The following CYBRD1 variants were observed in gnomAD, a reference collection of about 807,000 sequenced individuals.
CYBRD1 encodes the protein plasma membrane ascorbate-dependent reductase CYBRD1.
In CYBRD1, 14 loss-of-function variants were observed where a neutral mutation model predicts 21.9. That is an observed-to-expected ratio of 0.64 (90% CI 0.42 to 1.00). CYBRD1 has a LOEUF of 1.00. CYBRD1 is among the 50% of genes least tolerant of loss of function. The pLI is 0.00. For synonymous variants in CYBRD1, 146 were observed against 136.5 expected, an observed-to-expected ratio of 1.07 and a Z score of -0.48; for missense variants, 328 against 352.5, an observed-to-expected ratio of 0.93 and a Z score of 0.56.
chr2:171,525,881 A>C (rs1199068809), intron 1 of CYBRD1, among the ~76,000 whole-genome samples: 1 of 138,800 alleles, frequency 7.2e-6, no homozygotes, highest in Non-Finnish European at 1.5e-5. Context: ...CGGGAAACGG[A>C]GGTTGCGGTG....
rs115865009 is a variant in CYBRD1 at position 171,555,356 on chromosome 2, C to T, written c.*529C>T. The T allele has an allele frequency of 5.3e-4, 85 of 160,544 alleles. No individual in the cohort carries two copies. Among genetic ancestry groups the T allele is most frequent in the Admixed American group, 1.3e-3 (22 of 16,546 alleles). The allele number at this position is 160,544 out of a possible 1,614,324, so 9.9% of individuals were successfully genotyped here. Reference sequence around the variant, plus strand: ...TAGGAAAGCACCTGGTTCCTTTCTCCCCATGCCTGCCTTCTGCTCCCTCCC... The same window carrying T: ...TAGGAAAGCACCTGGTTCCTTTCTCTCCATGCCTGCCTTCTGCTCCCTCCC... On this transcript the variant is annotated 3_prime_UTR_variant, in exon 4 of 4. Transcript: ENST00000321348.
Position 171,530,285 on chromosome 2 carries a change from C to T in CYBRD1, c.193+7547C>T, listed in dbSNP as rs551326131. On this transcript the variant is annotated intron_variant, in intron 1 of 3. Transcript: ENST00000321348. Reference sequence around the variant, plus strand: ...GATTTCTGGTAATTTGTTATGGTAGCTCTAGGGGATTAATATAGGCTATAA... The same window carrying T: ...GATTTCTGGTAATTTGTTATGGTAGTTCTAGGGGATTAATATAGGCTATAA... Among the ~76,000 whole-genome samples the T allele has an allele frequency of 7.9e-5, 12 of 152,260 alleles. No homozygotes were observed. The South Asian group carries it at 1.5e-3, about 18-fold the overall frequency.
chr2:171,532,850 A>C (rs544443220), intron 1 of CYBRD1, among the ~76,000 whole-genome samples: 1 of 148,726 alleles, frequency 6.7e-6, no homozygotes, highest in Admixed American at 6.7e-5. Context: ...GGATATGTTA[A>C]TTAGCTTGAT....
intron 1 of CYBRD1, among the ~76,000 whole-genome samples, chr2:171,538,756 A>T (rs144272790): frequency 1.3e-5 from 2 of 152,214 alleles, no homozygotes; most frequent in East Asian, 3.9e-4. Flanking sequence ...AAAGGAATAG[A>T]TAATCCCTTA....
rs1574448832 is a variant in CYBRD1, at chr2:171,557,273, A to G, written c.*2446A>G. ...TCTCCCGAGAAAAATATCTCATTAA[A>G]AAGCCCATAAATAATAGGGGAGAAG... On this transcript the variant is annotated 3_prime_UTR_variant, in exon 4 of 4. Transcript: ENST00000321348. 1 of 152,332 alleles carries G rather than the reference A, an allele frequency of 6.6e-6. No individual in the cohort carries two copies. The highest frequency in any genetic ancestry group is 6.5e-5 in the Admixed American group (1 of 15,294). The allele number at this position is 152,332 out of a possible 1,614,324, so 9.4% of individuals were successfully genotyped here.
At chr2:171,540,264 C>T (rs1000917488) in intron 1 of CYBRD1, among the ~76,000 whole-genome samples, 12 of 152,120 alleles carry the variant, frequency 7.9e-5, no homozygotes, top group African/African-American at 2.9e-4. Flanking sequence ...AATTGAATTA[C>T]ACTATATACT....
Position 171,522,853 on chromosome 2 carries a change from G to A in CYBRD1, c.193+115G>A, listed in dbSNP as rs1697328838. 2.0e-6 allele frequency: 3 copies of A among 1,516,322 alleles called. No individual in the cohort carries two copies. The highest frequency in any genetic ancestry group is 1.4e-5 in the African/African-American group (1 of 73,600). The allele number at this position is 1,516,322 out of a possible 1,614,324, so 93.9% of individuals were successfully genotyped here. ...AAGTGCTGGAGGATCGCGGGGCCCG[G>A]AGGAGTGCGGTGAGGAGCGCGCGGG... On this transcript the variant is annotated intron_variant, in intron 1 of 3. Transcript: ENST00000321348. The surrounding 1 kb of genome is among the most constrained non-coding windows in gnomAD (Gnocchi z 4.3).
chr2:171,540,326 G>A (rs1191368153), intron 1 of CYBRD1, among the ~76,000 whole-genome samples: 1 of 152,096 alleles, frequency 6.6e-6, no homozygotes, highest in East Asian at 1.9e-4. Context: ...CCATATTACT[G>A]GGTCTAGTTC....
intron 2 of CYBRD1, among the ~76,000 whole-genome samples, chr2:171,546,520 A>C (rs952393520): frequency 5.3e-5 from 8 of 152,098 alleles, no homozygotes; most frequent in African/African-American, 1.9e-4. Flanking sequence ...TTTATTCCCA[A>C]ATCTATTCAT....
chr2:171,551,083 A>T, intron 2 of CYBRD1: 1 of 193,366 alleles, frequency 5.2e-6, no homozygotes, highest in Non-Finnish European at 1.0e-5. Context: ...CAGCATCCAC[A>T]GTAGCTGGGA....
Position 171,522,957 on chromosome 2 carries a change from A to G in CYBRD1, c.193+219A>G. On this transcript the variant is annotated intron_variant, in intron 1 of 3. Coordinates refer to ENST00000321348, the MANE Select transcript of CYBRD1 (RefSeq NM_024843.4). The surrounding 1 kb of genome is among the most constrained non-coding windows in gnomAD (Gnocchi z 4.3). ...GCTGCGGTTCAGGAGGATCGCCGCG[A>G]GCGCGGGGCCGGGGGTGCGCGGTGG... 2.9e-6 allele frequency: 2 copies of G among 693,714 alleles called. No homozygotes were observed. Among genetic ancestry groups the G allele is most frequent in the Admixed American group, 3.2e-5 (1 of 31,072 alleles). The allele number at this position is 693,714 out of a possible 1,614,324, so 43.0% of individuals were successfully genotyped here. A position where few individuals can be genotyped will look rare whatever the true frequency, so the allele number is the denominator to read the frequency against.
chr2:171,543,490 C>T (rs1697667207), intron 2 of CYBRD1, among the ~76,000 whole-genome samples: 1 of 152,188 alleles, frequency 6.6e-6, no homozygotes, highest in East Asian at 1.9e-4. Context: ...CTCATCTCTT[C>T]TCCTCAACCA....
At chr2:171,545,260 AT>A (rs1697693787) in intron 2 of CYBRD1, among the ~76,000 whole-genome samples, 1 of 152,078 alleles carries the variant, frequency 6.6e-6, no homozygotes, top group Non-Finnish European at 1.5e-5. Flanking sequence ...TTGAGTACAG[AT>A]GCGTCACATT....
chr2:171,532,890 T>C (rs1219070598), intron 1 of CYBRD1, among the ~76,000 whole-genome samples: 2 of 151,104 alleles, frequency 1.3e-5, no homozygotes, highest in South Asian at 2.1e-4. Flanking sequence ...TGTGTGTGTG[T>C]GTGTGTGTGT....
At chr2:171,549,344 A>G (rs147031663) in intron 2 of CYBRD1, among the ~76,000 whole-genome samples, 3,740 of 152,314 alleles carry the variant, frequency 0.025, 130 homozygotes, top group African/African-American at 0.084. Flanking sequence ...TCGGCCTCCC[A>G]AAGTGCTGGA....
At position 171,538,883 on chromosome 2, in the gene CYBRD1, C is replaced by T. The variant is rs150765963; in HGVS notation, c.194-2702C>T. Among the ~76,000 whole-genome samples, 400 of 152,076 alleles carry T rather than the reference C, an allele frequency of 2.6e-3. 4 individuals carry two copies. Among genetic ancestry groups the T allele is most frequent in the African/African-American group, 9.2e-3 (382 of 41,454 alleles). On this transcript the variant is annotated intron_variant, in intron 1 of 3. Transcript: ENST00000321348. The stretch of plus-strand genomic sequence containing the variant: ...TGCGGTCTTGGTTTACTGCAACCTC[C>T]GCCTCCCGAGTTCAAGCGATTCTCC...
intron 1 of CYBRD1, among the ~76,000 whole-genome samples, chr2:171,532,226 C>T (rs1479770045): frequency 6.6e-6 from 1 of 152,154 alleles, no homozygotes; most frequent in East Asian, 1.9e-4. Context: ...ACTGATAATC[C>T]TGTTCTGAGC....
At chr2:171,547,723 T>C (rs1406847656) in intron 2 of CYBRD1, among the ~76,000 whole-genome samples, 1 of 152,158 alleles carries the variant, frequency 6.6e-6, no homozygotes, top group East Asian at 1.9e-4. Context: ...CTTCTGTTTT[T>C]CCCATGAGGT....
chr2:171,525,766 A>C (rs971759648), intron 1 of CYBRD1, among the ~76,000 whole-genome samples: 1 of 152,182 alleles, frequency 6.6e-6, no homozygotes, highest in Admixed American at 6.5e-5. Flanking sequence ...ACAATATTTG[A>C]AACTAAGAAC....
Sources: allele counts gnomAD v4.1 joint callset (sites outside exome capture counted in the v4.1 genomes callset), GRCh38; gene constraint gnomAD v4.1.1; non-coding constraint Gnocchi (gnomAD v3.1); transcripts MANE v1.5; gene names NCBI Gene and HGNC (gene_info 2026-07-23, HGNC 2026-07-21).